Variants in PPIP5K2 observed in about 807,000 individuals in gnomAD.
The protein encoded by PPIP5K2 is diphosphoinositol pentakisphosphate kinase 2.
PPIP5K2 carries 105 observed loss-of-function variants against 154.6 expected under a neutral mutation model. The ratio of observed to expected loss-of-function variants is 0.68; its 90% confidence interval spans 0.58 to 0.80. The LOEUF (loss-of-function observed/expected upper bound fraction) is 0.80, where lower values mean the gene tolerates loss of function less well. PPIP5K2 is among the 30% of genes least tolerant of loss of function. The pLI is 0.00. For missense variants in PPIP5K2, 992 were observed against 1,504.6 expected, an observed-to-expected ratio of 0.66 and a Z score of 5.64; for synonymous variants, 480 against 490.3, an observed-to-expected ratio of 0.98 and a Z score of 0.28.
chr5:103,155,872 C>A, intron 13 of PPIP5K2, 37 bp from the exon 14 acceptor site: 1 of 1,331,186 alleles, frequency 7.5e-7, no homozygotes, highest in South Asian at 1.2e-5. Context: ...TAGTTTTTCC[C>A]TACATGTTCT....
chr5:103,137,361 A>G (rs1223894181), intron 4 of PPIP5K2, among the ~76,000 whole-genome samples: 3 of 151,878 alleles, frequency 2.0e-5, no homozygotes, highest in Non-Finnish European at 2.9e-5. Flanking sequence ...ACAGGGTTTC[A>G]CCGTGTTAGC....
chr5:103,171,064 A>T (rs1187592357), intron 19 of PPIP5K2, among the ~76,000 whole-genome samples: 1 of 151,506 alleles, frequency 6.6e-6, no homozygotes, highest in Non-Finnish European at 1.5e-5. Flanking sequence ...ATTAATTTTT[A>T]TGTCTGTGCT....
rs1554220380 is a variant in PPIP5K2, at chr5:103,174,468, CAG to C, written c.2529+498_2529+499del. Among the ~76,000 whole-genome samples the C allele has an allele frequency of 3.3e-5, 5 of 152,066 alleles. No homozygotes were observed. The East Asian group carries it at 5.8e-4, about 18-fold the overall frequency. ...TCTTAGAGTCTCATGAGGTTGTAGT[CAG>C]ACAGTGGCTGGGTCTCAAATAATCT... is the stretch of plus-strand genomic sequence containing the variant. On this transcript the variant is annotated intron_variant, in intron 21 of 30. Transcript: ENST00000358359.
chr5:103,155,777 A>G, intron 13 of PPIP5K2, 132 bp from the exon 14 acceptor site: 1 of 696,136 alleles, frequency 1.4e-6, no homozygotes. Flanking sequence ...GAATGATTAT[A>G]TATGGTACAA....
At chr5:103,196,388 A>T (rs1326009111) in intron 30 of PPIP5K2, among the ~76,000 whole-genome samples, 1 of 152,190 alleles carries the variant, frequency 6.6e-6, no homozygotes, top group African/African-American at 2.4e-5. Flanking sequence ...GCACATTCCA[A>T]CTAATAAGTA....
intron 1 of PPIP5K2, among the ~76,000 whole-genome samples, chr5:103,126,585 CA>C (rs1789716637): frequency 6.6e-6 from 1 of 152,046 alleles, no homozygotes; most frequent in South Asian, 2.1e-4. Context: ...CGATCGATCA[CA>C]AGGTCCCACA....
chr5:103,124,629 A>T (rs1443050933), intron 1 of PPIP5K2, among the ~76,000 whole-genome samples: 1 of 152,340 alleles, frequency 6.6e-6, no homozygotes, highest in South Asian at 2.1e-4. Flanking sequence ...TGGCTGTGAG[A>T]TTGTTAAATC....
At chr5:103,155,746 T>A (rs1375675571) in intron 13 of PPIP5K2, among the ~76,000 whole-genome samples, 163 bp from the exon 14 acceptor site, 1 of 151,990 alleles carries the variant, frequency 6.6e-6, no homozygotes, top group Non-Finnish European at 1.5e-5. Context: ...TAGAAAAACA[T>A]TTTTGTTTTT....
Position 103,205,173 on chromosome 5 carries a change from T to C in PPIP5K2, c.*3539T>C, listed in dbSNP as rs782616955. 2 of 150,852 alleles carry C rather than the reference T, an allele frequency of 1.3e-5. No individual in the cohort carries two copies. The highest frequency in any genetic ancestry group is 2.9e-5 in the Non-Finnish European group (2 of 68,054). The allele number at this position is 150,852 out of a possible 1,614,324, so 9.3% of individuals were successfully genotyped here. On this transcript the variant is annotated 3_prime_UTR_variant, in exon 31 of 31. Coordinates refer to ENST00000358359, the MANE Select transcript of PPIP5K2 (RefSeq NM_001276277.3). ...GTTTCCAGCTTCATCCATGTCCTTG[T>C]CATCCTTTTTTTTGGCTGCATAGTA...
chr5:103,145,788 G>C (rs1185640962), intron 5 of PPIP5K2, among the ~76,000 whole-genome samples: 1 of 151,988 alleles, frequency 6.6e-6, no homozygotes, highest in Non-Finnish European at 1.5e-5. Flanking sequence ...AACACAGATA[G>C]AATAAATAAG....
Position 103,209,465 on chromosome 5 carries a change from T to G in PPIP5K2, c.*7831T>G, listed in dbSNP as rs1803687546. ...TCCCACCCACCTATCTTACATTTTG[T>G]GTGGTATGAGTGGCACCATTGTGTG... On this transcript the variant is annotated 3_prime_UTR_variant, in exon 31 of 31. Transcript: ENST00000358359. 6.6e-6 allele frequency: 1 copy of G among 152,176 alleles called. No individual in the cohort carries two copies. The highest frequency in any genetic ancestry group is 1.5e-5 in the Non-Finnish European group (1 of 68,022). 9.4% of individuals were successfully genotyped at this position (152,176 alleles called of 1,614,324 possible). A position where few individuals can be genotyped will look rare whatever the true frequency, so the allele number is the denominator to read the frequency against.
At chr5:103,183,451 C>A in intron 25 of PPIP5K2, 44 bp downstream of exon 25, 1 of 1,518,972 alleles carries the variant, frequency 6.6e-7, no homozygotes, top group Non-Finnish European at 9.0e-7. Flanking sequence ...TCCCTGCATT[C>A]AGAGCAACAA....
intron 14 of PPIP5K2, among the ~76,000 whole-genome samples, chr5:103,157,643 G>A (rs1795620924): frequency 6.6e-6 from 1 of 151,492 alleles, no homozygotes; most frequent in African/African-American, 2.4e-5. Flanking sequence ...CCAGGCGCCT[G>A]TAGAGCCAAG....
chr5:103,148,329 A>G, intron 7 of PPIP5K2: 1 of 326,594 alleles, frequency 3.1e-6, no homozygotes, highest in South Asian at 2.9e-5. Context: ...ATGTCTTTAA[A>G]GGGGCATTAA....
intron 17 of PPIP5K2, among the ~76,000 whole-genome samples, chr5:103,164,852 A>G (rs1238804351): frequency 5.9e-5 from 9 of 152,104 alleles, no homozygotes; most frequent in African/African-American, 2.2e-4. Context: ...GGAATGTGGA[A>G]CTATATTTTT....
chr5:103,167,396 A>G (rs1554218261), intron 18 of PPIP5K2, 76 bp downstream of exon 18: 10 of 1,225,014 alleles, frequency 8.2e-6, no homozygotes. Flanking sequence ...TGATGCACCA[A>G]TCTTGTTGTA....
chr5:103,174,875 A>G (rs1343422419), intron 21 of PPIP5K2, among the ~76,000 whole-genome samples: 1 of 152,058 alleles, frequency 6.6e-6, no homozygotes, highest in Non-Finnish European at 1.5e-5. Context: ...AAAATCTGCC[A>G]CAGTGATACC....
At chr5:103,158,394 T>C (rs984301580) in intron 15 of PPIP5K2, 58 bp from the exon 16 acceptor site, 1 of 1,590,492 alleles carries the variant, frequency 6.3e-7, no homozygotes, top group African/African-American at 1.4e-5. Flanking sequence ...TATTAAACAT[T>C]TATAGAAATA....
intron 3 of PPIP5K2, among the ~76,000 whole-genome samples, chr5:103,134,001 A>C (rs543073110): frequency 6.6e-6 from 1 of 152,198 alleles, no homozygotes; most frequent in East Asian, 1.9e-4. Context: ...ATATCCTAAC[A>C]TTTGGAAAGT....
Sources: allele counts gnomAD v4.1 joint callset (sites outside exome capture counted in the v4.1 genomes callset), GRCh38; gene constraint gnomAD v4.1.1; transcripts MANE v1.5; gene names NCBI Gene and HGNC (gene_info 2026-07-23, HGNC 2026-07-21).